Variants in ATG4D observed in about 807,000 individuals in gnomAD.
ATG4D encodes the protein cysteine protease ATG4D.
In ATG4D, 51 loss-of-function variants were observed where a neutral mutation model predicts 55.2. That is an observed-to-expected ratio of 0.92 (90% CI 0.74 to 1.17). The LOEUF (loss-of-function observed/expected upper bound fraction) is 1.17. Ranked by LOEUF, ATG4D falls within the 50% of genes most tolerant of loss-of-function variation. The pLI is 0.00. For synonymous variants in ATG4D, 268 were observed against 266.2 expected, an observed-to-expected ratio of 1.01 and a Z score of -0.07; for missense variants, 635 against 649.6, an observed-to-expected ratio of 0.98 and a Z score of 0.25.
Position 10,553,222 on chromosome 19 carries a change from CA to C in ATG4D, c.*156del. ...CAGTCTGGGGCCATTCAGCCAGGGA[CA>C]GAGCCCACAGAGCCCATACACCTGT... On this transcript the variant is annotated 3_prime_UTR_variant, in exon 10 of 10. Transcript: ENST00000309469. 1.1e-6 allele frequency: 1 copy of C among 913,796 alleles called. No homozygotes were observed. The highest frequency in any genetic ancestry group is 1.9e-5 in the South Asian group (1 of 53,880). 56.6% of individuals were successfully genotyped at this position (913,796 alleles called of 1,614,324 possible).
intron 6 of ATG4D, among the ~76,000 whole-genome samples, chr19:10,550,526 C>A (rs1160991434): frequency 6.6e-6 from 1 of 152,062 alleles, no homozygotes; most frequent in Non-Finnish European, 1.5e-5. Context: ...CAGAGCCCGG[C>A]ACTATTTGTC....
Position 10,551,900 on chromosome 19 carries a change from C to T in ATG4D, c.970C>T (p.Leu324Phe), listed in dbSNP as rs1375666298. The change falls in exon 7 of 10, where the codon CTC becomes TTC. Residue 324 changes from leucine (L) to phenylalanine (F), a missense_variant. By Grantham distance (22) the Leu-to-Phe change is conservative (BLOSUM62 0). Transcript: ENST00000309469. ...NPVYVPCVKE[L>F]LRCELCLGIM... ...CTGCCTACCCTCCTCCCTGCAGGAA[C>T]TCCTGCGTTGCGAGCTGTGCCTGGG... The T allele has an allele frequency of 2.5e-6, 4 of 1,613,790 alleles. No homozygotes were observed. In the African/African-American group the frequency reaches 5.3e-5, roughly 22 times the overall value.
chr19:10,552,382 G>A, intron 9 of ATG4D, 58 bp downstream of exon 9: 1 of 1,557,204 alleles, frequency 6.4e-7, no homozygotes, highest in Non-Finnish European at 8.7e-7. Flanking sequence ...GGCTGGGGGT[G>A]AAAGAGGAAC....
chr19:10,550,011 C>T (rs779140458), intron 6 of ATG4D, among the ~76,000 whole-genome samples: 2 of 152,028 alleles, frequency 1.3e-5, no homozygotes, highest in Non-Finnish European at 2.9e-5. Context: ...CATCTCTACA[C>T]AATTTTTTTT....
In ATG4D at chr19:10,548,704, T is replaced by C. The variant is rs74695382; in HGVS notation, c.836-200T>C. Among the ~76,000 whole-genome samples the C allele has an allele frequency of 3.6e-3, 551 of 152,114 alleles. 3 individuals carry two copies. Among genetic ancestry groups the C allele is most frequent in the African/African-American group, 0.013 (525 of 41,470 alleles). ...GGCCTCAGTTGCCCACTCTGTAAAA[T>C]GGGGATGTCCACACCTGCCTGGAGG... On this transcript the variant is annotated intron_variant, in intron 5 of 9. Transcript: ENST00000309469.
At position 10,543,959 on chromosome 19, in the gene ATG4D, T is replaced by G. The variant is rs1299984337; in HGVS notation, c.-132T>G. On this transcript the variant is annotated 5_prime_UTR_variant, in exon 1 of 10. Coordinates refer to ENST00000309469, the MANE Select transcript of ATG4D (RefSeq NM_032885.6). ...GGTAGCAGCGGCGGCGGCTGTTGCC[T>G]GGCCCGGTACCCTGGGGACGGGGGC... 3 of 526,090 alleles carry G rather than the reference T, an allele frequency of 5.7e-6. No homozygotes were observed. The highest frequency in any genetic ancestry group is 8.6e-6 in the Non-Finnish European group (3 of 348,476). 32.6% of individuals were successfully genotyped at this position (526,090 alleles called of 1,614,324 possible).
At position 10,544,182 on chromosome 19, in the gene ATG4D, CCA is replaced by C; in HGVS notation, c.93_94del (p.Gly33ProfsTer25). On this transcript the variant is annotated frameshift_variant, in exon 1 of 10. Coordinates refer to ENST00000309469, the MANE Select transcript of ATG4D (RefSeq NM_032885.6). LOFTEE classifies it high-confidence loss of function. ...CCCGAGGCCCGCAGGCCGCGGGGTCCCAGAGGCCCAGACCCCAACGGCCTGGG... is the reference window on the plus strand; with the variant it reads ...CCCGAGGCCCGCAGGCCGCGGGGTCCGAGGCCCAGACCCCAACGGCCTGGG... 3.2e-6 allele frequency: 4 copies of C among 1,246,238 alleles called. No individual in the cohort carries two copies. Among genetic ancestry groups the C allele is most frequent in the Non-Finnish European group, 4.0e-6 (4 of 987,902 alleles). The allele number at this position is 1,246,238 out of a possible 1,614,324, so 77.2% of individuals were successfully genotyped here. A position where few individuals can be genotyped will look rare whatever the true frequency, so the allele number is the denominator to read the frequency against.
intron 5 of ATG4D, 36 bp from the exon 6 acceptor site, chr19:10,548,868 G>A: frequency 1.9e-6 from 3 of 1,605,882 alleles, no homozygotes; most frequent in Non-Finnish European, 2.6e-6. Flanking sequence ...TTGAAGGGTG[G>A]CAAGAAGGTG....
intron 6 of ATG4D, 119 bp downstream of exon 6, chr19:10,549,153 C>A: frequency 7.5e-7 from 1 of 1,336,534 alleles, no homozygotes; most frequent in Non-Finnish European, 1.0e-6. Flanking sequence ...GATGGAGTTT[C>A]GCTCTTGTTG....
intron 2 of ATG4D, 27 bp downstream of exon 2, chr19:10,544,893 G>A (rs777027237): frequency 3.8e-6 from 6 of 1,597,028 alleles, no homozygotes; most frequent in East Asian, 2.2e-5. Flanking sequence ...GACCAGGGCT[G>A]GGGGAGGCCT....
At chr19:10,546,449 G>A (rs993909334) in intron 3 of ATG4D, among the ~76,000 whole-genome samples, 4 of 151,136 alleles carry the variant, frequency 2.6e-5, no homozygotes, top group South Asian at 4.2e-4. Context: ...AGGTTCAAGC[G>A]ATTCTCCTGC....
chr19:10,544,377 C>A (rs760664821), intron 1 of ATG4D, 52 bp downstream of exon 1: 16 of 1,270,768 alleles, frequency 1.3e-5, no homozygotes, highest in Non-Finnish European at 1.6e-5. Flanking sequence ...TTGAGGAAAA[C>A]CAGACCCCGG....
In ATG4D at chr19:10,549,036, T is replaced by G; in HGVS notation, c.966+2T>G. On this transcript the variant is annotated splice_donor_variant, in intron 6 of 9. Transcript: ENST00000309469. LOFTEE classifies it high-confidence loss of function. ...CCCGTGTATGTGCCCTGCGTGAAGG[T>G]AGGTTCAGCTGAATTCTAGGACACC... 6.2e-7 allele frequency: 1 copy of G among 1,614,042 alleles called. No individual in the cohort carries two copies. The highest frequency in any genetic ancestry group is 8.5e-7 in the Non-Finnish European group (1 of 1,179,998).
At chr19:10,546,026 T>TC (rs1289306801) in intron 3 of ATG4D, among the ~76,000 whole-genome samples, 2 of 151,700 alleles carry the variant, frequency 1.3e-5, no homozygotes, top group South Asian at 2.1e-4. Context: ...AGAATGAGAC[T>TC]CCAACAATAA....
intron 6 of ATG4D, among the ~76,000 whole-genome samples, 200 bp from the exon 7 acceptor site, chr19:10,551,697 C>CAA (rs35373422): frequency 0.019 from 1,741 of 92,654 alleles, 54 homozygotes; most frequent in African/African-American, 0.063. Context: ...GACTCCGTCT[C>CAA]AAAAAAAAAA....
chr19:10,547,231 G>T lies in ATG4D; in HGVS notation c.813G>T (p.Val271=). 1.9e-6 allele frequency: 3 copies of T among 1,613,956 alleles called. No individual in the cohort carries two copies. Among genetic ancestry groups the T allele is most frequent in the Non-Finnish European group, 1.7e-6 (2 of 1,179,936 alleles). The part of the protein sequence containing the change: ...ESCSDVTRLV[V]YVSQDCTVYK... ...GCTCCGACGTCACCCGCCTGGTGGT[G>T]TACGTTTCTCAGGACTGCACAGGTA... The change falls in exon 5 of 10, where the codon GTG becomes GTT. Residue 271 remains valine, a synonymous_variant. Coordinates refer to ENST00000309469, the MANE Select transcript of ATG4D (RefSeq NM_032885.6).
chr19:10,552,935 C>G lies in ATG4D; in HGVS notation c.1293C>G (p.Ala431=), dbSNP rs765493453. 1.9e-6 allele frequency: 3 copies of G among 1,613,560 alleles called. No homozygotes were observed. The highest frequency in any genetic ancestry group is 1.7e-6 in the Non-Finnish European group (2 of 1,179,950). Residue 431 remains alanine, a synonymous_variant, in exon 10 of 10, where the codon GCC becomes GCG. Transcript: ENST00000309469. ...ATERYPMFTL[A]EGHAQDHSLD... ...AGCGGTACCCCATGTTCACCCTGGC[C>G]GAGGGCCATGCTCAGGACCACAGCC... is the stretch of plus-strand genomic sequence containing the variant.
chr19:10,549,044 G>C lies in ATG4D; in HGVS notation c.966+10G>C, dbSNP rs1916138746. On this transcript the variant is annotated intron_variant, in intron 6 of 9. Coordinates refer to ENST00000309469, the MANE Select transcript of ATG4D (RefSeq NM_032885.6). ...TGTGCCCTGCGTGAAGGTAGGTTCA[G>C]CTGAATTCTAGGACACCTCCACCTG... is the stretch of plus-strand genomic sequence containing the variant. The C allele has an allele frequency of 6.2e-7, 1 of 1,613,888 alleles. No homozygotes were observed. The highest frequency in any genetic ancestry group is 1.7e-5 in the Admixed American group (1 of 59,966).
At chr19:10,546,582 G>T (rs1300708865) in intron 3 of ATG4D, among the ~76,000 whole-genome samples, 1 of 151,824 alleles carries the variant, frequency 6.6e-6, no homozygotes, top group Non-Finnish European at 1.5e-5. Context: ...TCGAACTCCA[G>T]GCCTCAAGTG....
Sources: gnomAD v4.1 joint callset for allele counts (sites outside exome capture counted in the v4.1 genomes callset) on GRCh38, gnomAD v4.1.1 for gene constraint, MANE v1.5 for transcripts, NCBI Gene and HGNC (gene_info 2026-07-23, HGNC 2026-07-21) for gene names.